The following AFF3 variants were observed in gnomAD, a reference collection of about 807,000 sequenced individuals.
AFF3 encodes ALF transcription elongation factor 3.
A neutral mutation model predicts 129.7 loss-of-function variants in AFF3; 32 were observed. The observed-to-expected ratio is 0.25, with a 90% CI of 0.19 to 0.33. AFF3 has a LOEUF of 0.33. Among genes scored for constraint, AFF3 ranks in the 10% least tolerant of loss-of-function variants. The pLI is 1.00. For missense variants in AFF3, 1,373 were observed against 1,592.0 expected, an observed-to-expected ratio of 0.86 and a Z score of 2.34; for synonymous variants, 644 against 635.4, an observed-to-expected ratio of 1.01 and a Z score of -0.20.
intron 24 of AFF3, among the ~76,000 whole-genome samples, chr2:99,553,977 T>C (rs1316587613): frequency 7.6e-6 from 1 of 131,620 alleles, no homozygotes; most frequent in Non-Finnish European, 1.6e-5. Context: ...ACCAGAAATA[T>C]GAACAATGAC....
intron 11 of AFF3, among the ~76,000 whole-genome samples, chr2:99,695,297 T>G (rs956296244): frequency 1.3e-5 from 2 of 152,166 alleles, no homozygotes; most frequent in African/African-American, 4.8e-5. Flanking sequence ...CTTCGTATCT[T>G]GGGTGTTTCT....
intron 13 of AFF3, among the ~76,000 whole-genome samples, chr2:99,633,156 T>C (rs547388182): frequency 2.0e-5 from 3 of 152,026 alleles, no homozygotes; most frequent in Admixed American, 1.3e-4. Context: ...ACTATTACTC[T>C]CTCCACTTGA....
At chr2:99,728,423 C>G (rs1679538141) in intron 10 of AFF3, among the ~76,000 whole-genome samples, 1 of 152,184 alleles carries the variant, frequency 6.6e-6, no homozygotes, top group Non-Finnish European at 1.5e-5. Flanking sequence ...ACACATTGTA[C>G]CATACCCCTT....
intron 7 of AFF3, among the ~76,000 whole-genome samples, chr2:99,957,408 C>G (rs1438222203): frequency 6.6e-6 from 1 of 152,074 alleles, no homozygotes; most frequent in Admixed American, 6.5e-5. Flanking sequence ...TTAAATGAAC[C>G]TCCACAGCCT....
chr2:99,908,070 C>A (rs1386872911), intron 7 of AFF3, among the ~76,000 whole-genome samples: 1 of 152,270 alleles, frequency 6.6e-6, no homozygotes, highest in East Asian at 1.9e-4. Context: ...TCTCCTATTT[C>A]ATAAATTTTA....
chr2:99,836,518 T>C (rs980317370), intron 8 of AFF3, among the ~76,000 whole-genome samples: 1 of 152,166 alleles, frequency 6.6e-6, no homozygotes, highest in Admixed American at 6.5e-5. Flanking sequence ...CTCAATTAGT[T>C]ATTCTGGTCA....
chr2:99,775,650 C>T (rs6742771), intron 8 of AFF3, among the ~76,000 whole-genome samples: 15,720 of 151,676 alleles, frequency 0.1, 2,540 homozygotes, highest in African/African-American at 0.35. Context: ...GTAGCAAACT[C>T]GCACATCCTG....
intron 8 of AFF3, among the ~76,000 whole-genome samples, chr2:99,770,038 C>A (rs138772948): frequency 3.9e-5 from 6 of 152,336 alleles, no homozygotes; most frequent in African/African-American, 1.4e-4. Flanking sequence ...GATCGGCAGA[C>A]GGTGAAGCCA....
chr2:99,581,306 T>C (rs983931082), intron 17 of AFF3, among the ~76,000 whole-genome samples: 1 of 151,732 alleles, frequency 6.6e-6, no homozygotes, highest in Non-Finnish European at 1.5e-5. Context: ...TCCATGTTTT[T>C]CTAATATAGG....
At position 100,006,781 on chromosome 2, in the gene AFF3, C is replaced by T. The variant is rs756893841; in HGVS notation, c.724G>A (p.Asp242Asn). 6.2e-7 allele frequency: 1 copy of T among 1,614,230 alleles called. No homozygotes were observed. The highest frequency in any genetic ancestry group is 1.1e-5 in the South Asian group (1 of 91,082). Residue 242 changes from aspartate (D) to asparagine (N), a missense_variant, in exon 7 of 25, where the codon GAT becomes AAT. Coordinates refer to ENST00000672756, the MANE Select transcript of AFF3 (RefSeq NM_001386135.1). Reference protein sequence around the residue: ...TAYVRPMDGQDQAPDESPKLK... With the variant: ...TAYVRPMDGQNQAPDESPKLK... ...TTAGGAGACTCATCAGGGGCCTGAT[C>T]TTGGCCGTCCATTGGCCTCACATAC...
chr2:100,103,644 T>G (rs1336870073), intron 4 of AFF3, among the ~76,000 whole-genome samples: 1 of 151,790 alleles, frequency 6.6e-6, no homozygotes, highest in Non-Finnish European at 1.5e-5. Context: ...CTCCCCAGTG[T>G]GAGATCCCCC....
chr2:99,746,119 T>C (rs1032904501), intron 9 of AFF3, among the ~76,000 whole-genome samples: 3 of 150,506 alleles, frequency 2.0e-5, no homozygotes, highest in Non-Finnish European at 1.5e-5. Context: ...CCAAAAGCTA[T>C]TAAAATAAAA....
rs376819220 is a variant in AFF3 at position 99,880,215 on chromosome 2, C to T, written c.874-42691G>A. 4.7e-4 allele frequency among the ~76,000 whole-genome samples: 71 copies of T among 152,268 alleles called. 1 individual carries two copies. Among genetic ancestry groups the T allele is most frequent in the African/African-American group, 1.5e-3 (61 of 41,548 alleles). Reference sequence around the variant, plus strand: ...GAAGCAAGCAGGCATGAGCCTGGAACGGGAGTGAAATGACAACGAAACATT... The same window carrying T: ...GAAGCAAGCAGGCATGAGCCTGGAATGGGAGTGAAATGACAACGAAACATT... On this transcript the variant is annotated intron_variant, in intron 7 of 24. Transcript: ENST00000672756.
chr2:99,752,844 G>C (rs1681773614), intron 8 of AFF3, among the ~76,000 whole-genome samples: 1 of 152,154 alleles, frequency 6.6e-6, no homozygotes, highest in African/African-American at 2.4e-5. Context: ...GAGACAGAAT[G>C]ATGTCATTTC....
intron 11 of AFF3, 144 bp downstream of exon 11, chr2:99,726,933 A>G: frequency 1.3e-6 from 1 of 752,500 alleles, no homozygotes; most frequent in Non-Finnish European, 2.0e-6. Flanking sequence ...CACCCAAAGC[A>G]TTTAGAAAGA....
intron 4 of AFF3, among the ~76,000 whole-genome samples, chr2:100,062,873 G>A (rs1171841684): frequency 6.6e-6 from 1 of 152,102 alleles, no homozygotes; most frequent in East Asian, 1.9e-4. Context: ...ACCAAATACT[G>A]ACTATAAAAT....
At chr2:99,582,690 C>A in intron 17 of AFF3, 108 bp downstream of exon 17, 1 of 1,238,594 alleles carries the variant, frequency 8.1e-7, no homozygotes, top group Non-Finnish European at 1.2e-6. Flanking sequence ...TTCAGGAATT[C>A]TCAAGGGACC....
chr2:100,131,399 C>T (rs1483144312), intron 1 of AFF3, among the ~76,000 whole-genome samples: 3 of 152,294 alleles, frequency 2.0e-5, no homozygotes, highest in East Asian at 1.9e-4. Flanking sequence ...AAGACTACCA[C>T]ACACCCCAGG....
intron 7 of AFF3, among the ~76,000 whole-genome samples, chr2:99,893,574 C>A (rs1693727763): frequency 6.6e-6 from 1 of 152,228 alleles, no homozygotes; most frequent in African/African-American, 2.4e-5. Context: ...CTGGGGCTCT[C>A]ACCAAACACT....
Sources: gnomAD v4.1 joint callset for allele counts (sites outside exome capture counted in the v4.1 genomes callset) on GRCh38, gnomAD v4.1.1 for gene constraint, MANE v1.5 for transcripts, NCBI Gene and HGNC (gene_info 2026-07-23, HGNC 2026-07-21) for gene names.